Variants in BORCS5 observed in about 807,000 individuals in gnomAD.
BORCS5 encodes the protein BLOC-1 related complex subunit 5.
BORCS5 carries 17 observed loss-of-function variants against 22.1 expected under a neutral mutation model. That is an observed-to-expected ratio of 0.77 (90% confidence interval 0.53 to 1.15). The LOEUF is 1.15. Ranked by LOEUF, BORCS5 falls within the 50% of genes most tolerant of loss-of-function variation. The pLI, the probability that BORCS5 is intolerant of heterozygous loss-of-function variation, is 0.00. For missense variants in BORCS5, 247 were observed against 253.2 expected (o/e 0.98, Z 0.17); for synonymous variants, 117 against 99.8 (o/e 1.17, Z -1.03).
chr12:12,357,101 C>T lies in BORCS5; in HGVS notation c.-351C>T, dbSNP rs2136006292. 1 of 1,534,646 alleles carries T rather than the reference C, an allele frequency of 6.5e-7. No homozygotes were observed. Among genetic ancestry groups the T allele is most frequent in the South Asian group, 1.2e-5 (1 of 83,982 alleles). On this transcript the variant is annotated 5_prime_UTR_variant, in exon 1 of 4. Transcript: ENST00000314565. ...CCATCTGCGTCCCGGAAGGAGCGAG[C>T]TTGCGGAGCGTGAACCAGTGAGTGA...
At chr12:12,455,369 G>A (rs985358831) in intron 3 of BORCS5, among the ~76,000 whole-genome samples, 1 of 152,200 alleles carries the variant, frequency 6.6e-6, no homozygotes, top group African/African-American at 2.4e-5. Flanking sequence ...TGCAGAGAAA[G>A]TGAGATATCT....
intron 2 of BORCS5, among the ~76,000 whole-genome samples, chr12:12,413,966 G>T (rs1485147296): frequency 1.7e-5 from 1 of 57,724 alleles, no homozygotes; most frequent in Non-Finnish European, 3.5e-5. Context: ...GGACGGGGCG[G>T]CTGGCCGGGC....
At chr12:12,378,200 C>T (rs1183645377) in intron 2 of BORCS5, among the ~76,000 whole-genome samples, 1 of 152,166 alleles carries the variant, frequency 6.6e-6, no homozygotes, top group Non-Finnish European at 1.5e-5. Context: ...GGTGAAACCC[C>T]GTCTCTACTA....
intron 3 of BORCS5, among the ~76,000 whole-genome samples, chr12:12,456,882 G>T (rs1200281350): frequency 8.1e-6 from 1 of 123,018 alleles, no homozygotes; most frequent in East Asian, 2.0e-4. Flanking sequence ...ATGGTAAGTT[G>T]TCATCTGAGT....
chr12:12,469,699 T>A lies in BORCS5; in HGVS notation c.*3923T>A, dbSNP rs1249937341. The A allele has an allele frequency of 6.6e-6, 1 of 152,248 alleles. No homozygotes were observed. Among genetic ancestry groups the A allele is most frequent in the African/African-American group, 2.4e-5 (1 of 41,468 alleles). The allele number at this position is 152,248 out of a possible 1,614,324, so 9.4% of individuals were successfully genotyped here. ...TAAAATTCTAGTGCAATTGGGAAAC[T>A]TGGTCTTCCTGATTTGTTTATACTT... On this transcript the variant is annotated 3_prime_UTR_variant, in exon 4 of 4. Coordinates refer to ENST00000314565, the MANE Select transcript of BORCS5 (RefSeq NM_058169.6).
At chr12:12,451,928 T>TA (rs1942917933) in intron 3 of BORCS5, among the ~76,000 whole-genome samples, 1 of 91,850 alleles carries the variant, frequency 1.1e-5, no homozygotes, top group African/African-American at 5.3e-5. Context: ...AAAAAAAAAA[T>TA]TAAAAAAAAA....
At chr12:12,376,447 A>G (rs1863655679) in intron 2 of BORCS5, among the ~76,000 whole-genome samples, 2 of 150,590 alleles carry the variant, frequency 1.3e-5, no homozygotes, top group South Asian at 4.2e-4. Flanking sequence ...GTTAGCCAGG[A>G]TAGTCTCTAT....
intron 1 of BORCS5, among the ~76,000 whole-genome samples, chr12:12,360,812 T>C (rs890704085): frequency 1.3e-5 from 2 of 151,816 alleles, no homozygotes; most frequent in African/African-American, 2.4e-5. Flanking sequence ...CCTCCGCCTC[T>C]CGGGCTCAAG....
In BORCS5 at chr12:12,385,045, A is replaced by G. The variant is rs375989160; in HGVS notation, c.202+23696A>G. Among the ~76,000 whole-genome samples, 22 of 151,570 alleles carry G rather than the reference A, an allele frequency of 1.5e-4. No individual in the cohort carries two copies. In the East Asian group the frequency reaches 3.7e-3, roughly 25 times the overall value. On this transcript the variant is annotated intron_variant, in intron 2 of 3. Coordinates refer to ENST00000314565, the MANE Select transcript of BORCS5 (RefSeq NM_058169.6). Reference sequence around the variant, plus strand: ...GATCAGGAAGGCTTCTGTCATCTGTAAATGGCTCTGCGTGGCAGGGTAGCA... The same window carrying G: ...GATCAGGAAGGCTTCTGTCATCTGTGAATGGCTCTGCGTGGCAGGGTAGCA...
At position 12,430,151 on chromosome 12, in the gene BORCS5, A is replaced by ATTT. The variant is rs71061068; in HGVS notation, c.203-5462_203-5460dup. 1.0e-4 allele frequency among the ~76,000 whole-genome samples: 11 copies of ATTT among 107,750 alleles called. 1 individual carries two copies. The highest frequency in any genetic ancestry group is 1.4e-4 in the Non-Finnish European group (8 of 55,326). The allele number at this position is 107,750 out of a possible 152,430, so 70.7% of individuals were successfully genotyped here. A position where few individuals can be genotyped will look rare whatever the true frequency, so the allele number is the denominator to read the frequency against. On this transcript the variant is annotated intron_variant, in intron 2 of 3. Coordinates refer to ENST00000314565, the MANE Select transcript of BORCS5 (RefSeq NM_058169.6). ...TACCACTTTAATCACCTTAGAGAAAATTTTTTTTTTTTTTTTTGAGACAGA... is the reference window on the plus strand; with the variant it reads ...TACCACTTTAATCACCTTAGAGAAAATTTTTTTTTTTTTTTTTTTTGAGACAGA...
chr12:12,453,058 C>A (rs983418456), intron 3 of BORCS5, among the ~76,000 whole-genome samples: 24 of 152,260 alleles, frequency 1.6e-4, no homozygotes, highest in Middle Eastern at 3.4e-3. Context: ...TATAAAAACA[C>A]AAGCACCGGG....
chr12:12,429,397 G>A (rs1258911861), intron 2 of BORCS5, among the ~76,000 whole-genome samples: 1 of 152,134 alleles, frequency 6.6e-6, no homozygotes, highest in Non-Finnish European at 1.5e-5. Flanking sequence ...GGAAAATGTG[G>A]CCCATCTTCT....
rs577303309 is a variant in BORCS5 at position 12,409,100 on chromosome 12, T to TG, written c.203-26528_203-26527insG. The stretch of plus-strand genomic sequence containing the variant: ...TCTACATCTTTGCCATCATTTTTTT[T>TG]TGTTTGTTTTTGATACTAGCCATCT... On this transcript the variant is annotated intron_variant, in intron 2 of 3. Coordinates refer to ENST00000314565, the MANE Select transcript of BORCS5 (RefSeq NM_058169.6). Among the ~76,000 whole-genome samples the TG allele has an allele frequency of 2.5e-3, 378 of 151,798 alleles. 1 individual carries two copies. Among genetic ancestry groups the TG allele is most frequent in the African/African-American group, 8.3e-3 (344 of 41,388 alleles).
intron 2 of BORCS5, among the ~76,000 whole-genome samples, chr12:12,430,817 A>AT (rs1447229922): frequency 6.6e-6 from 1 of 152,284 alleles, no homozygotes; most frequent in Non-Finnish European, 1.5e-5. Context: ...CCCCATTTTT[A>AT]TGCAATGATA....
chr12:12,376,390 C>T (rs1863653696), intron 2 of BORCS5, among the ~76,000 whole-genome samples: 1 of 151,848 alleles, frequency 6.6e-6, no homozygotes, highest in African/African-American at 2.4e-5. Flanking sequence ...CCCGCCACCA[C>T]GCCCGGCTAA....
chr12:12,411,049 G>A (rs1430735538), intron 2 of BORCS5, among the ~76,000 whole-genome samples: 1 of 152,182 alleles, frequency 6.6e-6, no homozygotes, highest in Non-Finnish European at 1.5e-5. Context: ...GTATAGGAAT[G>A]CTTATGATTT....
In BORCS5 at chr12:12,465,545, G is replaced by A. The variant is rs1176020732; in HGVS notation, c.361-1G>A. On this transcript the variant is annotated splice_acceptor_variant, in intron 3 of 3. Coordinates refer to ENST00000314565, the MANE Select transcript of BORCS5 (RefSeq NM_058169.6). LOFTEE classifies it high-confidence loss of function. The stretch of plus-strand genomic sequence containing the variant: ...AATGTACTTCTCTTTCCCATCCACA[G>A]ATGGATCTGTCTGTAGAAACTCTGT... 1 of 1,614,024 alleles carries A rather than the reference G, an allele frequency of 6.2e-7. No individual in the cohort carries two copies. The highest frequency in any genetic ancestry group is 8.5e-7 in the Non-Finnish European group (1 of 1,179,884).
At chr12:12,464,450 G>A (rs1263348332) in intron 3 of BORCS5, among the ~76,000 whole-genome samples, 1 of 152,196 alleles carries the variant, frequency 6.6e-6, no homozygotes, top group Non-Finnish European at 1.5e-5. Context: ...GAGGCTCTCT[G>A]GTACCGGGTG....
chr12:12,432,550 G>A (rs1289264547), intron 2 of BORCS5, among the ~76,000 whole-genome samples: 1 of 152,124 alleles, frequency 6.6e-6, no homozygotes, highest in Non-Finnish European at 1.5e-5. Flanking sequence ...GAAAACTTAT[G>A]TTTACACAAA....
Sources: gnomAD v4.1 joint callset for allele counts (sites outside exome capture counted in the v4.1 genomes callset) on GRCh38, gnomAD v4.1.1 for gene constraint, MANE v1.5 for transcripts, NCBI Gene and HGNC (gene_info 2026-07-23, HGNC 2026-07-21) for gene names.